The following RSF1 variants were observed in gnomAD, a reference collection of about 807,000 sequenced individuals.
RSF1 encodes remodeling and spacing factor 1.
Under a neutral mutation model 145.2 loss-of-function variants are expected in RSF1, and 13 were observed. The ratio of observed to expected loss-of-function variants is 0.09; its 90% CI spans 0.06 to 0.14. The LOEUF (loss-of-function observed/expected upper bound fraction) is 0.14, where lower values mean the gene tolerates loss of function less well. RSF1 is among the 10% of genes least tolerant of loss of function. The pLI is 1.00. For missense variants in RSF1, 1,517 were observed against 1,718.2 expected (o/e 0.88, Z 2.07); for synonymous variants, 577 against 592.6 (o/e 0.97, Z 0.38).
chr11:77,771,990 C>T (rs1471787240), intron 1 of RSF1, among the ~76,000 whole-genome samples: 1 of 152,104 alleles, frequency 6.6e-6, no homozygotes, highest in Admixed American at 6.5e-5. Context: ...AGCACCTTTG[C>T]CAATCTTAAT....
At chr11:77,702,720 T>G (rs1273269395) in intron 5 of RSF1, 1 of 349,252 alleles carries the variant, frequency 2.9e-6, no homozygotes, top group Non-Finnish European at 5.0e-6. Flanking sequence ...AATTTAGGTT[T>G]CTGCTTTTTA....
At chr11:77,735,235 A>G (rs1304462345) in intron 4 of RSF1, among the ~76,000 whole-genome samples, 1 of 152,208 alleles carries the variant, frequency 6.6e-6, no homozygotes, top group African/African-American at 2.4e-5. Flanking sequence ...GAACGTCTCT[A>G]TATTTATATT....
At chr11:77,826,741 G>A in the RSF1 span, among the ~76,000 whole-genome samples, 1 of 152,126 alleles carries the variant, frequency 6.6e-6, no homozygotes, top group Non-Finnish European at 1.5e-5. Context: ...CACATTTCTA[G>A]AATAACATGA....
Position 77,701,657 on chromosome 11 carries a change from A to C in RSF1, c.1572T>G (p.Ser524Arg). Residue 524 changes from serine to arginine, a missense_variant, in exon 6 of 16, where the codon AGT (serine) becomes AGG (arginine). Coordinates refer to ENST00000308488, the MANE Select transcript of RSF1 (RefSeq NM_016578.4). Reference protein sequence around the residue: ...DSSISVLEIHSQKAQIEEPDP... With the variant: ...DSSISVLEIHRQKAQIEEPDP... The stretch of plus-strand genomic sequence containing the variant: ...CGGGTTCCTCTATTTGTGCTTTTTG[A>C]CTATGGATCTCTAAGACTGATATTG... 6.2e-7 allele frequency: 1 copy of C among 1,613,946 alleles called. No individual in the cohort carries two copies. The highest frequency in any genetic ancestry group is 8.5e-7 in the Non-Finnish European group (1 of 1,179,960).
intron 1 of RSF1, among the ~76,000 whole-genome samples, chr11:77,780,163 T>C (rs1948388409): frequency 6.6e-6 from 1 of 152,192 alleles, no homozygotes; most frequent in South Asian, 2.1e-4. Context: ...GGCTAGCACA[T>C]ACCATGCATT....
At chr11:77,755,322 GA>G (rs1013137219) in intron 2 of RSF1, among the ~76,000 whole-genome samples, 2 of 152,180 alleles carry the variant, frequency 1.3e-5, no homozygotes, top group African/African-American at 4.8e-5. Context: ...ACAGCTGATG[GA>G]ACAGATGTGG....
chr11:77,673,705 G>A (rs563851615), intron 14 of RSF1, among the ~76,000 whole-genome samples: 1 of 152,272 alleles, frequency 6.6e-6, no homozygotes, highest in East Asian at 1.9e-4. Flanking sequence ...TATTTAAATA[G>A]TCTCAAATTC....
the RSF1 span, among the ~76,000 whole-genome samples, chr11:77,858,302 C>CTTTTT: frequency 4.3e-3 from 295 of 69,344 alleles, 13 homozygotes; most frequent in East Asian, 4.9e-3. Flanking sequence ...TTAAGCAATT[C>CTTTTT]TTTTTTTTTT....
intron 5 of RSF1, 156 bp from the exon 6 acceptor site, chr11:77,702,651 T>C (rs1338357759): frequency 8.9e-6 from 4 of 448,212 alleles, no homozygotes; most frequent in East Asian, 3.6e-5. Flanking sequence ...AATCTGACAA[T>C]GAAGAAAATT....
upstream of RSF1, among the ~76,000 whole-genome samples, chr11:77,823,725 C>T (rs1949045317): frequency 6.6e-6 from 1 of 151,138 alleles, no homozygotes; most frequent in African/African-American, 2.4e-5. Flanking sequence ...ACTTAACTGA[C>T]CTTAAATAAA....
chr11:77,781,507 G>A (rs377289113), intron 1 of RSF1, among the ~76,000 whole-genome samples: 157 of 152,206 alleles, frequency 1.0e-3, no homozygotes, highest in African/African-American at 3.6e-3. Flanking sequence ...GAGCTCATGA[G>A]TTGTGTGGTA....
intron 6 of RSF1, among the ~76,000 whole-genome samples, chr11:77,699,051 C>T (rs1181620560): frequency 1.3e-5 from 2 of 152,146 alleles, no homozygotes; most frequent in South Asian, 4.1e-4. Flanking sequence ...CTTTCGTCAA[C>T]AATGTACTGT....
intron 2 of RSF1, chr11:77,762,027 C>CCTTTTTCT (rs1948178651): frequency 1.7e-5 from 1 of 58,756 alleles, no homozygotes; most frequent in Admixed American, 2.4e-4. Flanking sequence ...CTTTTCTTTT[C>CCTTTTTCT]TTTTTTTTTT....
At chr11:77,845,947 T>A in the RSF1 span, among the ~76,000 whole-genome samples, 1 of 152,164 alleles carries the variant, frequency 6.6e-6, no homozygotes, top group African/African-American at 2.4e-5. Flanking sequence ...AATCCCCATA[T>A]GGACCTGCCT....
chr11:77,741,033 T>G, intron 3 of RSF1, 97 bp from the exon 4 acceptor site: 1 of 874,310 alleles, frequency 1.1e-6, no homozygotes, highest in Non-Finnish European at 1.8e-6. Context: ...GGGAAAGCAG[T>G]GGACAGAACA....
At chr11:77,788,185 T>TTA (rs1554998492) in intron 1 of RSF1, among the ~76,000 whole-genome samples, 6 of 52,992 alleles carry the variant, frequency 1.1e-4, no homozygotes, top group African/African-American at 1.5e-4. Context: ...AAATTAGGGG[T>TTA]AAAAAAAAAA....
chr11:77,715,637 G>T (rs1381434596), intron 5 of RSF1, among the ~76,000 whole-genome samples: 1 of 152,162 alleles, frequency 6.6e-6, no homozygotes, highest in South Asian at 2.1e-4. Context: ...TAGTAGAGAC[G>T]GGGTTTCACA....
chr11:77,733,149 AC>A (rs371538637), intron 4 of RSF1, among the ~76,000 whole-genome samples: 331 of 152,298 alleles, frequency 2.2e-3, no homozygotes, highest in African/African-American at 7.1e-3. Flanking sequence ...AAACTGCAAA[AC>A]TTTCCCAAAG....
intron 1 of RSF1, among the ~76,000 whole-genome samples, chr11:77,816,107 T>G (rs1948779303): frequency 6.6e-6 from 1 of 152,200 alleles, no homozygotes; most frequent in Non-Finnish European, 1.5e-5. Context: ...ATCTAATAAG[T>G]GCCCTAAAGA....
Sources: gnomAD v4.1 joint callset for allele counts (sites outside exome capture counted in the v4.1 genomes callset) on GRCh38, gnomAD v4.1.1 for gene constraint, MANE v1.5 for transcripts, NCBI Gene and HGNC (gene_info 2026-07-23, HGNC 2026-07-21) for gene names.